The following SPATS2 variants were observed in gnomAD, a reference collection of about 807,000 sequenced individuals.
SPATS2 encodes the protein spermatogenesis associated serine rich 2, also known as spermatogenesis-associated serine-rich protein 2.
In SPATS2, 38 loss-of-function variants were observed where a neutral mutation model predicts 63.7. The observed-to-expected ratio is 0.60, with a 90% CI of 0.46 to 0.78. The LOEUF (loss-of-function observed/expected upper bound fraction) is 0.78, where lower values mean the gene tolerates loss of function less well. Among genes scored for constraint, SPATS2 ranks in the 30% least tolerant of loss-of-function variants. SPATS2 has a pLI of 0.00. For missense variants in SPATS2, 588 were observed against 666.2 expected, an observed-to-expected ratio of 0.88 and a Z score of 1.29; for synonymous variants, 207 against 232.9, an observed-to-expected ratio of 0.89 and a Z score of 1.01.
intron 2 of SPATS2, among the ~76,000 whole-genome samples, chr12:49,425,500 T>C (rs1301987397): frequency 6.6e-6 from 1 of 152,038 alleles, no homozygotes; most frequent in Non-Finnish European, 1.5e-5. Context: ...TTACATTTTT[T>C]ATAGAGATGG....
chr12:49,436,603 G>A (rs1312867704), intron 2 of SPATS2, among the ~76,000 whole-genome samples: 1 of 136,750 alleles, frequency 7.3e-6, no homozygotes, highest in East Asian at 2.2e-4. Flanking sequence ...GGCCGGGCCG[G>A]GGGCTGACCC....
chr12:49,463,736 TTG>T (rs1157521378), intron 3 of SPATS2: 2 of 152,212 alleles, frequency 1.3e-5, no homozygotes, highest in Admixed American at 1.3e-4. Context: ...ATGGTAGTCA[TTG>T]TTCTTAGTGG....
intron 4 of SPATS2, among the ~76,000 whole-genome samples, chr12:49,485,212 GC>G (rs1565744702): frequency 6.6e-6 from 1 of 151,618 alleles, no homozygotes; most frequent in Non-Finnish European, 1.5e-5. Flanking sequence ...GACTACAGGC[GC>G]CCACCACCAT....
At chr12:49,450,495 C>T (rs1436281820) in intron 2 of SPATS2, among the ~76,000 whole-genome samples, 3 of 152,056 alleles carry the variant, frequency 2.0e-5, no homozygotes, top group Non-Finnish European at 4.4e-5. Flanking sequence ...CCGCCCGCCT[C>T]GGCCTCCCAA....
chr12:49,509,381 A>T (rs1410711559), intron 9 of SPATS2, among the ~76,000 whole-genome samples: 2 of 148,828 alleles, frequency 1.3e-5, no homozygotes, highest in African/African-American at 2.5e-5. Context: ...CCTGGGTTCA[A>T]GCGATTCTCC....
chr12:49,416,238 A>G (rs1326791146), intron 2 of SPATS2, among the ~76,000 whole-genome samples: 3 of 152,094 alleles, frequency 2.0e-5, no homozygotes, highest in Middle Eastern at 3.4e-3. Context: ...GGTTGGAATC[A>G]CTTAGAAGCC....
chr12:49,450,417 G>A (rs1945599076), intron 2 of SPATS2, among the ~76,000 whole-genome samples: 1 of 151,826 alleles, frequency 6.6e-6, no homozygotes, highest in South Asian at 2.1e-4. Flanking sequence ...TTAATTTTTT[G>A]TATTTTTTAG....
chr12:49,482,161 T>G (rs758763015), intron 3 of SPATS2, among the ~76,000 whole-genome samples: 49 of 152,348 alleles, frequency 3.2e-4, no homozygotes, highest in Non-Finnish European at 6.5e-4. Context: ...AGATTATTGC[T>G]TTATCTTTTT....
chr12:49,492,182 T>G (rs1946393389), intron 6 of SPATS2, among the ~76,000 whole-genome samples: 1 of 152,096 alleles, frequency 6.6e-6, no homozygotes, highest in African/African-American at 2.4e-5. Context: ...TAACTGTGAG[T>G]GTCCTGGAAA....
chr12:49,469,672 C>G, intron 3 of SPATS2: 1 of 370,648 alleles, frequency 2.7e-6, no homozygotes, highest in South Asian at 2.1e-5. Flanking sequence ...GGGCAGATCA[C>G]TTGAGGTCAG....
chr12:49,440,453 G>A (rs572971212), intron 2 of SPATS2, among the ~76,000 whole-genome samples: 10 of 150,026 alleles, frequency 6.7e-5, no homozygotes, highest in African/African-American at 2.5e-4. Context: ...TCAATTTTTC[G>A]TTGAATTTCA....
chr12:49,481,458 A>T lies in SPATS2; in HGVS notation c.26-3132A>T, dbSNP rs867913400. 3.4e-3 allele frequency among the ~76,000 whole-genome samples: 330 copies of T among 97,758 alleles called. 2 individuals carry two copies. The highest frequency in any genetic ancestry group is 0.015 in the African/African-American group (292 of 19,458). The allele number at this position is 97,758 out of a possible 152,430, so 64.1% of individuals were successfully genotyped here. A position where few individuals can be genotyped will look rare whatever the true frequency, so the allele number is the denominator to read the frequency against. On this transcript the variant is annotated intron_variant, in intron 3 of 13. Transcript: ENST00000552918. ...AGCTCAACAAGCTCAAGGCTTCCTC[A>T]TTTTTTTTTTTTTTTTTTTTTTTTT...
At chr12:49,503,142 GA>G (rs895232432) in intron 9 of SPATS2, among the ~76,000 whole-genome samples, 3 of 152,080 alleles carry the variant, frequency 2.0e-5, no homozygotes, top group Non-Finnish European at 4.4e-5. Context: ...ACAAGGTCAA[GA>G]GTTCAAGACC....
intron 2 of SPATS2, among the ~76,000 whole-genome samples, chr12:49,459,045 G>A (rs1425661661): frequency 6.6e-6 from 1 of 152,148 alleles, no homozygotes; most frequent in African/African-American, 2.4e-5. Context: ...CACAGCTCAT[G>A]CACCTAGGTC....
intron 3 of SPATS2, among the ~76,000 whole-genome samples, chr12:49,471,344 A>G (rs1412005717): frequency 6.6e-6 from 1 of 151,920 alleles, no homozygotes; most frequent in Non-Finnish European, 1.5e-5. Context: ...TTTATTTTTT[A>G]TTATTATCTT....
chr12:49,443,034 T>C (rs1036734591), intron 2 of SPATS2, among the ~76,000 whole-genome samples: 1 of 152,164 alleles, frequency 6.6e-6, no homozygotes, highest in Non-Finnish European at 1.5e-5. Context: ...CTTATTCTAT[T>C]AGCATCTGTC....
At chr12:49,512,804 T>A in intron 9 of SPATS2, 1 of 1,227,022 alleles carries the variant, frequency 8.1e-7, no homozygotes, top group Non-Finnish European at 1.1e-6. Flanking sequence ...AGAGAGGTAA[T>A]GTCAAACTGT....
At chr12:49,437,084 CG>C (rs1945321065) in intron 2 of SPATS2, among the ~76,000 whole-genome samples, 4 of 151,794 alleles carry the variant, frequency 2.6e-5, no homozygotes, top group Admixed American at 2.6e-4. Flanking sequence ...GAGTGGCTGC[CG>C]GGCGGAGGGG....
At position 49,403,642 on chromosome 12, in the gene SPATS2, A is replaced by ACACAC. The variant is rs1555180281; in HGVS notation, c.-244+32352_-244+32353insCACAC. Among the ~76,000 whole-genome samples, 218 of 118,062 alleles carry ACACAC rather than the reference A, an allele frequency of 1.8e-3. 2 individuals carry two copies. Among genetic ancestry groups the ACACAC allele is most frequent in the African/African-American group, 6.2e-3 (198 of 31,954 alleles). 77.5% of individuals were successfully genotyped at this position (118,062 alleles called of 152,430 possible). Reference sequence around the variant, plus strand: ...ACACACACACACACACACACACACAAACAAAACTGGAATTCTCTGTTATGG... The same window carrying ACACAC: ...ACACACACACACACACACACACACAACACACACAAAACTGGAATTCTCTGTTATGG... On this transcript the variant is annotated intron_variant, in intron 2 of 13. Transcript: ENST00000552918.
Sources: gnomAD v4.1 joint callset for allele counts (sites outside exome capture counted in the v4.1 genomes callset) on GRCh38, gnomAD v4.1.1 for gene constraint, MANE v1.5 for transcripts, NCBI Gene and HGNC (gene_info 2026-07-23, HGNC 2026-07-21) for gene names.